Variants in LRRTM4 observed in about 807,000 individuals in gnomAD.
LRRTM4 encodes leucine rich repeat transmembrane neuronal 4, also known as leucine-rich repeat transmembrane neuronal protein 4.
LRRTM4 carries 25 observed loss-of-function variants against 47.6 expected under a neutral mutation model. That is an observed-to-expected ratio of 0.53 (90% CI 0.38 to 0.73). The LOEUF is 0.73. Among genes scored for constraint, LRRTM4 ranks in the 30% least tolerant of loss-of-function variants. The pLI is 0.00. For missense variants in LRRTM4, 638 were observed against 713.4 expected (o/e 0.89, Z 1.20); for synonymous variants, 311 against 269.5 (o/e 1.15, Z -1.51).
At chr2:77,330,489 CT>C (rs929865516) in intron 3 of LRRTM4, among the ~76,000 whole-genome samples, 11 of 151,850 alleles carry the variant, frequency 7.2e-5, no homozygotes, top group African/African-American at 2.7e-4. Flanking sequence ...TCATCCTACA[CT>C]AAATAAAAAA....
intron 3 of LRRTM4, among the ~76,000 whole-genome samples, chr2:77,150,081 A>G (rs1269122818): frequency 2.0e-5 from 3 of 152,168 alleles, no homozygotes; most frequent in African/African-American, 7.2e-5. Flanking sequence ...TAGAAGAGCA[A>G]ATACTTTGAT....
At chr2:77,261,318 C>T (rs1408547839) in intron 3 of LRRTM4, among the ~76,000 whole-genome samples, 10 of 152,096 alleles carry the variant, frequency 6.6e-5, no homozygotes, top group African/African-American at 2.4e-4. Context: ...TAGACACGGT[C>T]ATATATGCTC....
rs1371882337 is a variant in LRRTM4, at chr2:77,499,124, G to A, written c.1551+19194C>T. ...TTTTGCTTACCCAGAGGGTTAATTG[G>A]CAATATCTGGAGACACCATTGGTTG... On this transcript the variant is annotated intron_variant, in intron 3 of 3. Coordinates refer to ENST00000409884, the MANE Select transcript of LRRTM4 (RefSeq NM_001134745.3). Among the ~76,000 whole-genome samples, 5 of 151,758 alleles carry A rather than the reference G, an allele frequency of 3.3e-5. No individual in the cohort carries two copies. In the East Asian group the frequency reaches 9.6e-4, roughly 29 times the overall value.
chr2:76,798,704 C>G (rs1675492083), intron 3 of LRRTM4, among the ~76,000 whole-genome samples: 1 of 150,570 alleles, frequency 6.6e-6, no homozygotes, highest in African/African-American at 2.5e-5. Context: ...AGACCGCTAG[C>G]AAGACTAATA....
At chr2:77,350,514 T>C (rs1671728590) in intron 3 of LRRTM4, among the ~76,000 whole-genome samples, 1 of 152,036 alleles carries the variant, frequency 6.6e-6, no homozygotes, top group Admixed American at 6.6e-5. Context: ...GGTATAACTT[T>C]GTAATCAAGA....
chr2:76,962,834 C>T (rs565160178), intron 3 of LRRTM4, among the ~76,000 whole-genome samples: 28 of 150,866 alleles, frequency 1.9e-4, no homozygotes, highest in African/African-American at 6.3e-4. Flanking sequence ...GCTATTTGCA[C>T]ATTTCCAGAG....
At chr2:77,475,563 G>A (rs1170527451) in intron 3 of LRRTM4, among the ~76,000 whole-genome samples, 1 of 151,652 alleles carries the variant, frequency 6.6e-6, no homozygotes, top group Non-Finnish European at 1.5e-5. Flanking sequence ...CACATGTAAA[G>A]GTCTATTATT....
intron 3 of LRRTM4, among the ~76,000 whole-genome samples, chr2:77,225,424 GA>G (rs34525667): frequency 0.2 from 29,215 of 143,838 alleles, 5,483 homozygotes; most frequent in African/African-American, 0.49. Flanking sequence ...AAAATTGTGA[GA>G]AAAAAAAAAA....
intron 3 of LRRTM4, among the ~76,000 whole-genome samples, chr2:77,115,489 A>G (rs1671365433): frequency 6.6e-6 from 1 of 152,216 alleles, no homozygotes; most frequent in Non-Finnish European, 1.5e-5. Flanking sequence ...CTAAGAAATT[A>G]TAAAAGTATT....
chr2:77,028,629 C>T (rs10186167), intron 3 of LRRTM4, among the ~76,000 whole-genome samples: 15,934 of 151,794 alleles, frequency 0.1, 2,798 homozygotes, highest in African/African-American at 0.37. Context: ...AAAGATGGAA[C>T]AAAAATGATT....
At chr2:77,244,592 C>G (rs184895506) in intron 3 of LRRTM4, among the ~76,000 whole-genome samples, 2 of 151,938 alleles carry the variant, frequency 1.3e-5, no homozygotes, top group East Asian at 1.9e-4. Flanking sequence ...CCCTCCACCC[C>G]CTCCTGATAC....
chr2:77,244,785 T>C (rs1272665566), intron 3 of LRRTM4, among the ~76,000 whole-genome samples: 2 of 152,320 alleles, frequency 1.3e-5, no homozygotes, highest in South Asian at 2.1e-4. Flanking sequence ...CAACCTGCAA[T>C]GTTTTTAATT....
At position 76,755,949 on chromosome 2, in the gene LRRTM4, T is replaced by TG. The variant is rs1673014759; in HGVS notation, c.1552-7034dup. Among the ~76,000 whole-genome samples the TG allele has an allele frequency of 3.9e-5, 6 of 152,112 alleles. No homozygotes were observed. In the South Asian group the frequency reaches 1.2e-3, roughly 31 times the overall value. ...GACATGCCTCATTATACCCACTCCC[T>TG]GGGGAAGTTTAAACACAATTGACCA... On this transcript the variant is annotated intron_variant, in intron 3 of 3. Transcript: ENST00000409884.
At chr2:76,795,660 A>G (rs898801803) in intron 3 of LRRTM4, among the ~76,000 whole-genome samples, 23 of 152,024 alleles carry the variant, frequency 1.5e-4, no homozygotes, top group African/African-American at 5.3e-4. Flanking sequence ...CTTGGCTATT[A>G]TGAATAACAT....
chr2:77,024,983 G>C (rs887938759), intron 3 of LRRTM4, among the ~76,000 whole-genome samples: 2 of 152,078 alleles, frequency 1.3e-5, no homozygotes, highest in African/African-American at 2.4e-5. Flanking sequence ...CGGTGAAAAA[G>C]AATCTTGATC....
intron 3 of LRRTM4, among the ~76,000 whole-genome samples, chr2:77,110,691 C>A (rs1671225588): frequency 6.6e-6 from 1 of 151,976 alleles, no homozygotes; most frequent in South Asian, 2.1e-4. Context: ...AAGTAGTATG[C>A]AATTATTAAT....
rs1672335337 is a variant in LRRTM4 at position 77,148,559 on chromosome 2, T to G, written c.1551+369759A>C. 4.6e-5 allele frequency among the ~76,000 whole-genome samples: 7 copies of G among 152,126 alleles called. No homozygotes were observed. The South Asian group carries it at 1.4e-3, about 32-fold the overall frequency. On this transcript the variant is annotated intron_variant, in intron 3 of 3. Transcript: ENST00000409884. ...ATTATAAATGAAGCCAACCCTTAAC[T>G]TGTTGCATCTTCTGTAACAAAGGAG...
chr2:77,154,541 A>C (rs1672509137), intron 3 of LRRTM4, among the ~76,000 whole-genome samples: 1 of 152,164 alleles, frequency 6.6e-6, no homozygotes, highest in Admixed American at 6.6e-5. Flanking sequence ...CATATTAGTA[A>C]AGTATTTATA....
intron 3 of LRRTM4, among the ~76,000 whole-genome samples, chr2:77,508,388 C>T (rs1164265477): frequency 6.6e-6 from 1 of 152,122 alleles, no homozygotes; most frequent in Admixed American, 6.6e-5. Flanking sequence ...TAGCTCAGAT[C>T]CATCTCACAG....
Sources: allele counts gnomAD v4.1 joint callset (sites outside exome capture counted in the v4.1 genomes callset), GRCh38; gene constraint gnomAD v4.1.1; transcripts MANE v1.5; gene names NCBI Gene and HGNC (gene_info 2026-07-23, HGNC 2026-07-21).